SYTL5: variants seen among roughly 807,000 people sequenced by gnomAD.
The protein encoded by SYTL5 is synaptotagmin like 5.
SYTL5 carries 34 observed loss-of-function variants against 55.9 expected under a neutral mutation model. The ratio of observed to expected loss-of-function variants is 0.61; its 90% CI spans 0.46 to 0.81. The LOEUF (loss-of-function observed/expected upper bound fraction) is 0.81. Among genes scored for constraint, SYTL5 ranks in the 30% least tolerant of loss-of-function variants. The pLI, the probability that SYTL5 is intolerant of heterozygous loss-of-function variation, is 0.00. For synonymous variants in SYTL5, 221 were observed against 188.7 expected (o/e 1.17, Z -1.40); for missense variants, 637 against 546.7 (o/e 1.17, Z -1.65).
the SYTL5 span, among the ~76,000 whole-genome samples, chrX:37,916,015 C>T: frequency 1.6e-4 from 18 of 110,944 alleles, no homozygotes; most frequent in Admixed American, 1.3e-3. Context: ...ATAATAATAG[C>T]TACCATTTAT....
chrX:38,064,020 TA>T (rs1352226901), intron 3 of SYTL5, among the ~76,000 whole-genome samples: 2 of 109,769 alleles, frequency 1.8e-5, no homozygotes, highest in African/African-American at 3.3e-5. Flanking sequence ...TAACTAACAT[TA>T]AAAAAAAGTG....
chrX:37,897,517 G>A, the SYTL5 span, among the ~76,000 whole-genome samples: 1 of 109,883 alleles, frequency 9.1e-6, no homozygotes, highest in African/African-American at 3.3e-5. Flanking sequence ...AGGGCAGAGA[G>A]TTAACAAGGG....
chrX:38,107,684 G>A (rs761414615), intron 11 of SYTL5, among the ~76,000 whole-genome samples: 2 of 111,427 alleles, frequency 1.8e-5, no homozygotes, highest in Non-Finnish European at 3.8e-5. Context: ...GGCCCACTAT[G>A]TTAACTCTTT....
At chrX:37,917,087 T>G in the SYTL5 span, among the ~76,000 whole-genome samples, 1 of 111,610 alleles carries the variant, frequency 9.0e-6, no homozygotes, top group African/African-American at 3.3e-5. Context: ...TCTGTATTTT[T>G]GGGAGGAGTG....
At chrX:37,991,312 T>C in the SYTL5 span, 1 of 1,069,586 alleles carries the variant, frequency 9.3e-7, no homozygotes, top group Non-Finnish European at 1.2e-6. Flanking sequence ...TGTAAATCCA[T>C]GAGTATGTTT....
chrX:38,090,523 TA>T (rs1345846151), intron 7 of SYTL5, among the ~76,000 whole-genome samples: 1 of 112,367 alleles, frequency 8.9e-6, no homozygotes, highest in Non-Finnish European at 1.9e-5. Flanking sequence ...GAGATTTTTT[TA>T]TTTAGCAGGA....
intron 12 of SYTL5, among the ~76,000 whole-genome samples, chrX:38,109,251 A>G (rs2147631273): frequency 8.9e-6 from 1 of 112,242 alleles, no homozygotes; most frequent in Admixed American, 9.4e-5. Context: ...GATCCAGAAA[A>G]TAGAAATCTC....
At chrX:38,102,303 A>T in intron 9 of SYTL5, 39 bp from the exon 10 acceptor site, 1 of 974,937 alleles carries the variant, frequency 1.0e-6, no homozygotes, top group Non-Finnish European at 1.5e-6. Context: ...CTAGAAAAAC[A>T]AATCAACCAA....
In SYTL5 at chrX:38,127,802, A is replaced by G. The variant is rs1021097542; in HGVS notation, c.*1072A>G. 2.7e-5 allele frequency: 3 copies of G among 112,266 alleles called. No homozygotes were observed. Among genetic ancestry groups the G allele is most frequent in the Non-Finnish European group, 5.6e-5 (3 of 53,269 alleles). 9.3% of individuals were successfully genotyped at this position (112,266 alleles called of 1,213,427 possible). A position where few individuals can be genotyped will look rare whatever the true frequency, so the allele number is the denominator to read the frequency against. Reference sequence around the variant, plus strand: ...CTATGGCACCTCTGCTTCCTGCTATAGGCCTGAGGTTCTAGGGCTTCTTAT... The same window carrying G: ...CTATGGCACCTCTGCTTCCTGCTATGGGCCTGAGGTTCTAGGGCTTCTTAT... On this transcript the variant is annotated 3_prime_UTR_variant, in exon 17 of 17. Transcript: ENST00000297875.
rs1935022617 is a variant in SYTL5, at chrX:38,033,552, C to T, written c.-338C>T. The T allele has an allele frequency of 8.4e-6, 1 of 119,694 alleles. No individual in the cohort carries two copies. The highest frequency in any genetic ancestry group is 3.2e-5 in the African/African-American group (1 of 31,219). The allele number at this position is 119,694 out of a possible 1,213,427, so 9.9% of individuals were successfully genotyped here. A position where few individuals can be genotyped will look rare whatever the true frequency, so the allele number is the denominator to read the frequency against. On this transcript the variant is annotated 5_prime_UTR_variant, in exon 2 of 17. Coordinates refer to ENST00000297875, the MANE Select transcript of SYTL5 (RefSeq NM_138780.3). ...GTCTTAGTGTTTTCTGCATTCTCTC[C>T]CAGCGGATCTGATTCCTGTTCTGAA...
chrX:38,063,513 C>T (rs1936013085), intron 3 of SYTL5, among the ~76,000 whole-genome samples: 1 of 110,551 alleles, frequency 9.0e-6, no homozygotes, highest in East Asian at 2.8e-4. Flanking sequence ...TAAAAATAGC[C>T]CCTGTGTATT....
At chrX:38,126,225 T>C (rs1168441524) in intron 16 of SYTL5, among the ~76,000 whole-genome samples, 1 of 111,827 alleles carries the variant, frequency 8.9e-6, no homozygotes, top group Non-Finnish European at 1.9e-5. Flanking sequence ...AAAATATCTA[T>C]ACCACTAAAA....
At chrX:38,113,616 T>C (rs1481783262) in intron 13 of SYTL5, among the ~76,000 whole-genome samples, 1 of 111,616 alleles carries the variant, frequency 9.0e-6, no homozygotes, top group African/African-American at 3.3e-5. Flanking sequence ...ATGGTTTGAA[T>C]AAATACTAAC....
chrX:38,004,521 T>C (rs1236648430), upstream of SYTL5, among the ~76,000 whole-genome samples: 1 of 111,531 alleles, frequency 9.0e-6, no homozygotes, highest in Admixed American at 9.5e-5. Flanking sequence ...TTGGAAGCAA[T>C]ATAAATGTCC....
chrX:38,009,485 T>C (rs1934106532), intron 1 of SYTL5, among the ~76,000 whole-genome samples: 1 of 111,857 alleles, frequency 8.9e-6, no homozygotes, highest in Non-Finnish European at 1.9e-5. Flanking sequence ...AATCTTGGAG[T>C]CAATTTTGCT....
intron 6 of SYTL5, among the ~76,000 whole-genome samples, chrX:38,087,883 T>C (rs776278797): frequency 1.2e-3 from 135 of 111,792 alleles, no homozygotes; most frequent in Non-Finnish European, 2.0e-3. Context: ...TATGATAGCA[T>C]AGTGGTATGT....
At chrX:37,966,436 CTTTTTTTT>C in the SYTL5 span, among the ~76,000 whole-genome samples, 2 of 78,155 alleles carry the variant, frequency 2.6e-5, no homozygotes, top group African/African-American at 4.9e-5. Context: ...TTTTCTTTTT[CTTTTTTTT>C]TTTTTTTTTT....
At chrX:38,064,065 A>ATGTG (rs1417927676) in intron 3 of SYTL5, among the ~76,000 whole-genome samples, 1 of 96,726 alleles carries the variant, frequency 1.0e-5, no homozygotes, top group African/African-American at 4.3e-5. Context: ...ATACATATAT[A>ATGTG]TATGTGTGTG....
chrX:38,061,919 C>A (rs1218985133), intron 3 of SYTL5, among the ~76,000 whole-genome samples: 1 of 111,507 alleles, frequency 9.0e-6, no homozygotes, highest in Non-Finnish European at 1.9e-5. Flanking sequence ...TCAGAAGGCC[C>A]CAAAGATAAA....
Sources: allele counts gnomAD v4.1 joint callset (sites outside exome capture counted in the v4.1 genomes callset), GRCh38; gene constraint gnomAD v4.1.1; transcripts MANE v1.5; gene names NCBI Gene and HGNC (gene_info 2026-07-23, HGNC 2026-07-21).